ATF7IP2: variants seen among roughly 807,000 people sequenced by gnomAD.
ATF7IP2 encodes activating transcription factor 7 interacting protein 2.
Under a neutral mutation model 64.2 loss-of-function variants are expected in ATF7IP2, and 42 were observed. That is an observed-to-expected ratio of 0.65 (90% CI 0.51 to 0.85). The LOEUF (loss-of-function observed/expected upper bound fraction) is 0.85, where lower values mean the gene tolerates loss of function less well. ATF7IP2 is among the 40% of genes least tolerant of loss of function. The pLI, the probability that ATF7IP2 is intolerant of heterozygous loss-of-function variation, is 0.00. For synonymous variants in ATF7IP2, 308 were observed against 272.8 expected, an observed-to-expected ratio of 1.13 and a Z score of -1.27; for missense variants, 933 against 784.2, an observed-to-expected ratio of 1.19 and a Z score of -2.27.
At chr16:10,471,466 T>C (rs188909094) in intron 9 of ATF7IP2, among the ~76,000 whole-genome samples, 2 of 152,188 alleles carry the variant, frequency 1.3e-5, no homozygotes, top group East Asian at 3.9e-4. Flanking sequence ...AGACAGAGGT[T>C]TCGGTGAGCC....
intron 8 of ATF7IP2, among the ~76,000 whole-genome samples, chr16:10,444,164 T>G (rs766836532): frequency 6.6e-6 from 1 of 152,204 alleles, no homozygotes; most frequent in East Asian, 1.9e-4. Flanking sequence ...GAAACGATGA[T>G]CAGGTTACAT....
intron 9 of ATF7IP2, among the ~76,000 whole-genome samples, chr16:10,470,855 G>A (rs201515212): frequency 1.5e-4 from 12 of 78,230 alleles, no homozygotes; most frequent in African/African-American, 1.3e-3. Flanking sequence ...GTATATATAT[G>A]TGTGTGTGTG....
At chr16:10,429,338 T>C (rs1432503592) in intron 4 of ATF7IP2, among the ~76,000 whole-genome samples, 7 of 152,164 alleles carry the variant, frequency 4.6e-5, no homozygotes, top group African/African-American at 1.7e-4. Flanking sequence ...TTATTTAGTA[T>C]ATATATCAGG....
At position 10,473,482 on chromosome 16, in the gene ATF7IP2, C is replaced by A; in HGVS notation, c.1430C>A (p.Thr477Asn). The change falls in exon 11 of 14, where the codon ACC becomes AAC. Residue 477 changes from threonine to asparagine, a missense_variant. Transcript: ENST00000562102. ...TCAAATGTCTAATTTCTTTCAGATACCAGAAAAATTACATCAGGAAATTCT... is the reference window on the plus strand; with the variant it reads ...TCAAATGTCTAATTTCTTTCAGATAACAGAAAAATTACATCAGGAAATTCT... ...TTPITSNPTD[T>N]RKITSGNSSN... 1 of 1,553,420 alleles carries A rather than the reference C, an allele frequency of 6.4e-7. No homozygotes were observed. The highest frequency in any genetic ancestry group is 1.4e-5 in the African/African-American group (1 of 73,062).
intron 1 of ATF7IP2, among the ~76,000 whole-genome samples, chr16:10,399,518 C>T (rs1169125879): frequency 6.6e-6 from 1 of 152,198 alleles, no homozygotes; most frequent in East Asian, 1.9e-4. Context: ...GCTTTATTTC[C>T]GGGTTCTCTG....
In ATF7IP2 at chr16:10,430,996, C is replaced by G. The variant is rs1417207533; in HGVS notation, c.376C>G (p.Pro126Ala). The change falls in exon 5 of 14, where the codon CCC becomes GCC. Residue 126 changes from proline (P) to alanine (A), a missense_variant. Coordinates refer to ENST00000562102, the MANE Select transcript of ATF7IP2 (RefSeq NM_001393719.1). ...AAAGCCAAGTAGAACAACAGAATCC[C>G]CCAGCAGAGTCTTCACAGAAGAGGC... ...YQKPSRTTES[P>A]SRVFTEEAKD... 3 of 1,613,998 alleles carry G rather than the reference C, an allele frequency of 1.9e-6. No homozygotes were observed. The African/African-American group carries it at 4.0e-5, about 22-fold the overall frequency.
chr16:10,438,182 A>T lies in ATF7IP2; in HGVS notation c.1042A>T (p.Ile348Phe), dbSNP rs2048485554. The change falls in exon 7 of 14, where the codon ATT (isoleucine) becomes TTT (phenylalanine). Residue 348 changes from isoleucine (I) to phenylalanine (F), a missense_variant. By Grantham distance (21) the Ile-to-Phe change is conservative (BLOSUM62 0). Transcript: ENST00000562102. The stretch of plus-strand genomic sequence containing the variant: ...GAAACTGAAAGAATTGAACCAACGC[A>T]TTGGGAAGACAGAGTGCAGAAATAA... ...DKKLKELNQR[I>F]GKTECRNKHE... is the part of the protein sequence containing the mutation. 2 of 1,606,918 alleles carry T rather than the reference A, an allele frequency of 1.2e-6. No homozygotes were observed. The highest frequency in any genetic ancestry group is 1.7e-6 in the Non-Finnish European group (2 of 1,177,138).
intron 1 of ATF7IP2, among the ~76,000 whole-genome samples, chr16:10,410,955 G>A (rs1043748464): frequency 6.6e-6 from 1 of 152,052 alleles, no homozygotes; most frequent in African/African-American, 2.4e-5. Context: ...CTTTTTCTGT[G>A]TTTATTTAGA....
At chr16:10,438,311 G>C (rs918350636) in intron 7 of ATF7IP2, 76 bp downstream of exon 7, 16 of 1,431,886 alleles carry the variant, frequency 1.1e-5, no homozygotes, top group Non-Finnish European at 1.3e-5. Flanking sequence ...GCTGCAGTAC[G>C]GTGGCTCACT....
At chr16:10,444,421 C>G (rs2048734743) in intron 8 of ATF7IP2, among the ~76,000 whole-genome samples, 1 of 151,998 alleles carries the variant, frequency 6.6e-6, no homozygotes. Context: ...TTTCTTCTTT[C>G]CAGCTTTTGA....
intron 8 of ATF7IP2, among the ~76,000 whole-genome samples, chr16:10,453,410 C>T (rs1024826167): frequency 2.6e-5 from 4 of 152,176 alleles, no homozygotes; most frequent in Admixed American, 6.5e-5. Flanking sequence ...TCTGTGGCTA[C>T]ACCCACTGTC....
intron 1 of ATF7IP2, among the ~76,000 whole-genome samples, chr16:10,404,180 C>T (rs2047588774): frequency 6.6e-6 from 1 of 152,180 alleles, no homozygotes. Context: ...ATTTTAAAAT[C>T]AGCAAGAGAA....
intron 1 of ATF7IP2, among the ~76,000 whole-genome samples, chr16:10,410,959 A>G (rs2047747267): frequency 6.6e-6 from 1 of 152,048 alleles, no homozygotes; most frequent in Non-Finnish European, 1.5e-5. Context: ...TTCTGTGTTT[A>G]TTTAGAGATA....
chr16:10,451,313 G>T (rs1464695492), intron 8 of ATF7IP2, among the ~76,000 whole-genome samples: 6 of 152,130 alleles, frequency 3.9e-5, no homozygotes, highest in Non-Finnish European at 8.8e-5. Context: ...TCTTCTCCAG[G>T]AGTATCTTTG....
At chr16:10,464,119 C>G (rs12932073) in intron 9 of ATF7IP2, among the ~76,000 whole-genome samples, 29,304 of 152,136 alleles carry the variant, frequency 0.19, 3,111 homozygotes, top group African/African-American at 0.28. Context: ...ATGGCTGCCA[C>G]CACAGCTTTC....
intron 9 of ATF7IP2, among the ~76,000 whole-genome samples, chr16:10,469,143 T>G (rs972186589): frequency 6.6e-6 from 1 of 152,100 alleles, no homozygotes; most frequent in African/African-American, 2.4e-5. Flanking sequence ...GCAAAAAATA[T>G]GACCTATCAA....
Position 10,477,629 on chromosome 16 carries a change from G to A in ATF7IP2, c.1550-3250G>A, listed in dbSNP as rs568516960. ...TCTCTCACCGCTCCTATTCAACATA[G>A]TGTTGGAAGTTCTGGCCAGGGCAAT... On this transcript the variant is annotated intron_variant, in intron 12 of 13. Coordinates refer to ENST00000562102, the MANE Select transcript of ATF7IP2 (RefSeq NM_001393719.1). Among the ~76,000 whole-genome samples, 334 of 152,142 alleles carry A rather than the reference G, an allele frequency of 2.2e-3. 2 individuals are homozygous for A. The highest frequency in any genetic ancestry group is 7.2e-3 in the African/African-American group (297 of 41,496).
chr16:10,443,925 C>T (rs1271592476), intron 8 of ATF7IP2, among the ~76,000 whole-genome samples: 1 of 152,114 alleles, frequency 6.6e-6, no homozygotes, highest in Non-Finnish European at 1.5e-5. Context: ...GGCACAGGGA[C>T]CTTCCGTGAA....
chr16:10,386,155 G>T (rs1439296841), intron 1 of ATF7IP2, 33 bp downstream of exon 1: 2 of 152,426 alleles, frequency 1.3e-5, no homozygotes, highest in African/African-American at 2.4e-5. Flanking sequence ...TCCTGCGAGA[G>T]CGGCGATTGG....
Sources: allele counts gnomAD v4.1 joint callset (sites outside exome capture counted in the v4.1 genomes callset), GRCh38; gene constraint gnomAD v4.1.1; transcripts MANE v1.5; gene names NCBI Gene and HGNC (gene_info 2026-07-23, HGNC 2026-07-21).